ZNF560: variants seen among roughly 807,000 people sequenced by gnomAD.
ZNF560 encodes the protein zinc finger protein 560.
In ZNF560, 54 loss-of-function variants were observed where a neutral mutation model predicts 81.8. The observed-to-expected ratio is 0.66, with a 90% CI of 0.53 to 0.83. ZNF560 has a LOEUF of 0.83. Among genes scored for constraint, ZNF560 ranks in the 40% least tolerant of loss-of-function variants. The pLI is 0.00. For missense variants in ZNF560, 940 were observed against 932.4 expected, an observed-to-expected ratio of 1.01 and a Z score of -0.11; for synonymous variants, 321 against 317.9, an observed-to-expected ratio of 1.01 and a Z score of -0.10.
At chr19:9,478,429 GAC>G (rs2073235527) in intron 2 of ZNF560, among the ~76,000 whole-genome samples, 1 of 152,044 alleles carries the variant, frequency 6.6e-6, no homozygotes, top group African/African-American at 2.4e-5. Flanking sequence ...TTAAAAAAAG[GAC>G]ACTAATTAGT....
the ZNF560 span, among the ~76,000 whole-genome samples, chr19:9,447,134 A>C: frequency 1.2e-5 from 1 of 80,366 alleles, no homozygotes; most frequent in Admixed American, 1.3e-4. Flanking sequence ...ACTCCGTCAC[A>C]AAAAAAAAAA....
At position 9,467,057 on chromosome 19, in the gene ZNF560, A is replaced by T. The variant is rs769832034; in HGVS notation, c.1890T>A (p.Tyr630Ter). ...RRHTGDKPYE[Y>*]KDCGKAFVVS... Reference sequence around the variant, plus strand: ...CAACAAAGGCTTTCCCACAGTCCTTATATTCATAGGGCTTATCTCCAGTGT... The same window carrying T: ...CAACAAAGGCTTTCCCACAGTCCTTTTATTCATAGGGCTTATCTCCAGTGT... Residue 630 changes from tyrosine (Y) to a stop codon, truncating the protein, a stop_gained, in exon 10 of 10, where the codon TAT becomes TAA. Coordinates refer to ENST00000301480, the MANE Select transcript of ZNF560 (RefSeq NM_152476.3). LOFTEE classifies it high-confidence loss of function. The T allele has an allele frequency of 6.2e-7, 1 of 1,614,062 alleles. No homozygotes were observed. Among genetic ancestry groups the T allele is most frequent in the South Asian group, 1.1e-5 (1 of 91,080 alleles).
intron 2 of ZNF560, among the ~76,000 whole-genome samples, chr19:9,484,458 G>A (rs946507598): frequency 2.0e-5 from 3 of 152,032 alleles, no homozygotes; most frequent in Non-Finnish European, 2.9e-5. Context: ...TAAAGGCTTA[G>A]TATAAAAGAA....
intron 2 of ZNF560, among the ~76,000 whole-genome samples, chr19:9,496,997 C>T (rs1210202580): frequency 6.6e-6 from 1 of 151,746 alleles, no homozygotes; most frequent in South Asian, 2.1e-4. Context: ...GAGGACAGTA[C>T]GTTAAGTGAA....
chr19:9,453,519 G>T, the ZNF560 span, among the ~76,000 whole-genome samples: 2 of 151,948 alleles, frequency 1.3e-5, no homozygotes, highest in Admixed American at 1.3e-4. Flanking sequence ...ACAGCAAAAG[G>T]CACAAATACT....
rs201152866 is a variant in ZNF560, at chr19:9,467,020, G to C, written c.1927C>G (p.Leu643Val). Reference protein sequence around the residue: ...CGKAFVVSSSLVDHLRTHTGY... With the variant: ...CGKAFVVSSSVVDHLRTHTGY... ...GTGTGAGTTCTTAAATGATCAACTA[G>C]ACTGGAGGAGACAACAAAGGCTTTC... Residue 643 changes from leucine (L) to valine (V), a missense_variant, in exon 10 of 10, where the codon CTA (leucine) becomes GTA (valine). Leu to Val is a conservative substitution (Grantham distance 32). Transcript: ENST00000301480. The C allele has an allele frequency of 1.9e-6, 3 of 1,613,952 alleles. No homozygotes were observed.
rs775205901 is a variant in ZNF560, at chr19:9,467,085, C to A, written c.1862G>T (p.Arg621Ile). 1 of 1,613,832 alleles carries A rather than the reference C, an allele frequency of 6.2e-7. No homozygotes were observed. Among genetic ancestry groups the A allele is most frequent in the Admixed American group, 1.7e-5 (1 of 60,006 alleles). ...TTCATAGGGCTTATCTCCAGTGTGT[C>A]TTCGTAAATGTTTAGTAAGATCTGA... is the stretch of plus-strand genomic sequence containing the variant. Reference protein sequence around the residue: ...ERSDLTKHLRRHTGDKPYEYK... With the variant: ...ERSDLTKHLRIHTGDKPYEYK... Residue 621 changes from arginine (R) to isoleucine (I), a missense_variant, in exon 10 of 10, where the codon AGA (arginine) becomes ATA (isoleucine). By Grantham distance (97) the Arg-to-Ile change is moderately conservative. Coordinates refer to ENST00000301480, the MANE Select transcript of ZNF560 (RefSeq NM_152476.3).
At chr19:9,481,784 G>A (rs1391270335) in intron 2 of ZNF560, among the ~76,000 whole-genome samples, 2 of 152,236 alleles carry the variant, frequency 1.3e-5, no homozygotes, top group Non-Finnish European at 2.9e-5. Flanking sequence ...ACAGGTGCTG[G>A]AGAGGATGTG....
chr19:9,460,661 A>G, the ZNF560 span, among the ~76,000 whole-genome samples: 3 of 152,204 alleles, frequency 2.0e-5, no homozygotes, highest in Admixed American at 6.5e-5. Flanking sequence ...GCTGGCAATA[A>G]TGCCTGGACG....
intron 2 of ZNF560, among the ~76,000 whole-genome samples, chr19:9,483,313 C>T (rs1383156145): frequency 8.6e-5 from 13 of 150,946 alleles, no homozygotes; most frequent in South Asian, 2.1e-4. Context: ...TGCCCGGCCG[C>T]GACCCCATCT....
rs892559857 is a variant in ZNF560, at chr19:9,468,168, G to A, written c.779C>T (p.Thr260Ile). The stretch of plus-strand genomic sequence containing the variant: ...ACTGAACACAGAAACTTTCCTTATG[G>A]TAGAGGTTTTATTGTATAGAGAAAG... The part of the protein sequence containing the change: ...DLLSLYNKTS[T>I]IRKVSVFSKH... The change falls in exon 10 of 10, where the codon ACC becomes ATC. Residue 260 changes from threonine to isoleucine, a missense_variant. By Grantham distance (89) the Thr-to-Ile change is moderately conservative. Coordinates refer to ENST00000301480, the MANE Select transcript of ZNF560 (RefSeq NM_152476.3). 1.2e-6 allele frequency: 2 copies of A among 1,614,094 alleles called. No individual in the cohort carries two copies. Among genetic ancestry groups the A allele is most frequent in the African/African-American group, 1.3e-5 (1 of 75,044 alleles).
At position 9,474,335 on chromosome 19, in the gene ZNF560, C is replaced by T; in HGVS notation, c.31-10G>A. The T allele has an allele frequency of 1.9e-6, 3 of 1,604,808 alleles. No individual in the cohort carries two copies. The highest frequency in any genetic ancestry group is 2.6e-6 in the Non-Finnish European group (3 of 1,174,962). ...CAAAGGTCACGGAGTACTAAACCAT[C>T]ACATACATGTTGATTTGAGCCAAGT... On this transcript the variant is annotated splice_polypyrimidine_tract_variant and intron_variant, in intron 3 of 9. Transcript: ENST00000301480.
chr19:9,504,457 A>T, the ZNF560 span, among the ~76,000 whole-genome samples: 1 of 152,178 alleles, frequency 6.6e-6, no homozygotes, highest in Non-Finnish European at 1.5e-5. Flanking sequence ...AATTAAAAAA[A>T]ATAAATTTCC....
chr19:9,494,159 A>G (rs1448701465), intron 2 of ZNF560, among the ~76,000 whole-genome samples: 1 of 151,184 alleles, frequency 6.6e-6, no homozygotes, highest in Non-Finnish European at 1.5e-5. Context: ...AGAAATTAAT[A>G]TGGCCTGTGA....
chr19:9,504,111 T>C, the ZNF560 span, among the ~76,000 whole-genome samples: 2 of 152,200 alleles, frequency 1.3e-5, no homozygotes, highest in Non-Finnish European at 2.9e-5. Flanking sequence ...TTCTGACAGG[T>C]ACTTTATATA....
Position 9,467,283 on chromosome 19 carries a change from T to G in ZNF560, c.1664A>C (p.Lys555Thr), listed in dbSNP as rs1599647134. Residue 555 changes from lysine to threonine, a missense_variant, in exon 10 of 10, where the codon AAG becomes ACG. By Grantham distance (78) the Lys-to-Thr change is moderately conservative. Transcript: ENST00000301480. ...QCKKCGKAFT[K>T]CSYLTKHLRT... ...TAAATGTTTGGTAAGATATGAGCAC[T>G]TAGTGAAAGCTTTACCACATTTCTT... is the stretch of plus-strand genomic sequence containing the variant. The G allele has an allele frequency of 6.2e-7, 1 of 1,614,108 alleles. No individual in the cohort carries two copies. Among genetic ancestry groups the G allele is most frequent in the East Asian group, 2.2e-5 (1 of 44,874 alleles).
chr19:9,483,956 C>A (rs2073344730), intron 2 of ZNF560, among the ~76,000 whole-genome samples: 1 of 152,294 alleles, frequency 6.6e-6, no homozygotes, highest in East Asian at 1.9e-4. Context: ...AAGAAAAATT[C>A]TTCTGCCTTG....
At chr19:9,485,292 T>A (rs891087992) in intron 2 of ZNF560, among the ~76,000 whole-genome samples, 2 of 152,134 alleles carry the variant, frequency 1.3e-5, no homozygotes, top group African/African-American at 4.8e-5. Context: ...ACTAGCAAGC[T>A]GAATTCAACA....
chr19:9,477,521 T>C lies in ZNF560; in HGVS notation c.-56-2152A>G, dbSNP rs536451882. 2.7e-4 allele frequency among the ~76,000 whole-genome samples: 41 copies of C among 152,344 alleles called. 1 individual carries two copies. The highest frequency in any genetic ancestry group is 2.6e-3 in the Admixed American group (40 of 15,304). ...TCCTTTACAAACAAGTCAGAACTCA[T>C]TTCCAACTCTGGTTGCTTCAACAGG... On this transcript the variant is annotated intron_variant, in intron 2 of 9. Transcript: ENST00000301480.
Sources: allele counts gnomAD v4.1 joint callset (sites outside exome capture counted in the v4.1 genomes callset), GRCh38; gene constraint gnomAD v4.1.1; transcripts MANE v1.5; gene names NCBI Gene and HGNC (gene_info 2026-07-23, HGNC 2026-07-21).